The following SCAMP4 variants were observed in gnomAD, a reference collection of about 807,000 sequenced individuals.
SCAMP4 encodes the protein secretory carrier-associated membrane protein 4.
In SCAMP4, 19 loss-of-function variants were observed where a neutral mutation model predicts 32.1. The ratio of observed to expected loss-of-function variants is 0.59; its 90% CI spans 0.41 to 0.87. SCAMP4 has a LOEUF of 0.87. Among genes scored for constraint, SCAMP4 ranks in the 40% least tolerant of loss-of-function variants. SCAMP4 has a pLI of 0.00. For missense variants in SCAMP4, 302 were observed against 309.0 expected, an observed-to-expected ratio of 0.98 and a Z score of 0.17; for synonymous variants, 152 against 132.7, an observed-to-expected ratio of 1.15 and a Z score of -1.00.
intron 3 of SCAMP4, 83 bp downstream of exon 3, chr19:1,917,905 C>A (rs149039111): frequency 2.6e-6 from 4 of 1,559,078 alleles, no homozygotes; most frequent in Middle Eastern, 2.2e-4. Flanking sequence ...AGGGGCAGCC[C>A]GTCGGGGGCC....
At chr19:1,913,139 C>G (rs1490889549) in intron 1 of SCAMP4, 2 of 1,560,274 alleles carry the variant, frequency 1.3e-6, no homozygotes, top group South Asian at 1.2e-5. Context: ...GCTGGCTGGA[C>G]CCCGACACGT....
intron 5 of SCAMP4, chr19:1,921,091 C>T (rs2013905303): frequency 2.0e-6 from 2 of 985,238 alleles, no homozygotes; most frequent in African/African-American, 3.5e-5. Flanking sequence ...AACCACAGCG[C>T]ACAGCGACTT....
Position 1,918,925 on chromosome 19 carries a change from C to T in SCAMP4, c.330C>T (p.Phe110=). The T allele has an allele frequency of 1.2e-6, 2 of 1,612,198 alleles. No homozygotes were observed. The highest frequency in any genetic ancestry group is 1.7e-6 in the Non-Finnish European group (2 of 1,179,190). Residue 110 remains phenylalanine (F), a synonymous_variant, in exon 5 of 7, where the codon TTC becomes TTT. Transcript: ENST00000316097. The part of the protein sequence containing the change: ...DSSFNFMAFF[F]IFGAQFVLTV... ...CCTTTAATTTCATGGCGTTTTTCTTCATCTTCGGAGCCCAGTTTGTCCTGA... is the reference window on the plus strand; with the variant it reads ...CCTTTAATTTCATGGCGTTTTTCTTTATCTTCGGAGCCCAGTTTGTCCTGA...
chr19:1,920,184 C>G, intron 5 of SCAMP4: 4 of 985,358 alleles, frequency 4.1e-6, no homozygotes, highest in Non-Finnish European at 2.4e-6. Flanking sequence ...AGTGACTGTT[C>G]TCGCCCACGT....
intron 3 of SCAMP4, 52 bp downstream of exon 3, chr19:1,917,874 G>A: frequency 6.2e-7 from 1 of 1,606,826 alleles, no homozygotes; most frequent in Non-Finnish European, 8.5e-7. Context: ...GGCTCCCCGA[G>A]GGAGGGAGTG....
intron 6 of SCAMP4, 99 bp downstream of exon 6, chr19:1,923,286 C>T (rs1404267414): frequency 2.9e-6 from 3 of 1,035,376 alleles, no homozygotes; most frequent in East Asian, 2.8e-5. Flanking sequence ...GCCGGGCCCT[C>T]TCCCCACGGT....
intron 2 of SCAMP4, chr19:1,915,490 C>T (rs1739365806): frequency 4.9e-6 from 1 of 202,844 alleles, no homozygotes; most frequent in African/African-American, 2.3e-5. Context: ...GGGGGGCTCC[C>T]AGTGCCACGC....
intron 1 of SCAMP4, chr19:1,912,045 C>G: frequency 7.1e-7 from 1 of 1,416,840 alleles, no homozygotes; most frequent in Non-Finnish European, 9.2e-7. Context: ...CCGCAGCCGC[C>G]GGATGATCCT....
chr19:1,924,290 G>A lies in SCAMP4; in HGVS notation c.*6G>A, dbSNP rs375942866. 9.0e-5 allele frequency: 143 copies of A among 1,581,772 alleles called. No homozygotes were observed. The African/African-American group carries it at 1.2e-3, about 14-fold the overall frequency. On this transcript the variant is annotated 3_prime_UTR_variant, in exon 7 of 7. Transcript: ENST00000316097. ...GCAGTGGCCAGTGGCCTTAGAGGGA[G>A]CCTGCCCTGCCCCCACCGCCCACCA...
intron 3 of SCAMP4, 151 bp from the exon 4 acceptor site, chr19:1,917,976 A>G: frequency 1.5e-6 from 2 of 1,336,448 alleles, no homozygotes; most frequent in Non-Finnish European, 2.1e-6. Context: ...GCTGGTGTCC[A>G]GGCCCCAGTG....
chr19:1,921,671 G>A lies in SCAMP4; in HGVS notation c.396-1399G>A, dbSNP rs553532094. ...AATCTAAAATTACATCCAAACAGAG[G>A]TTTACTTTTTTAAAAAATAAAAGAG... On this transcript the variant is annotated intron_variant, in intron 5 of 6. Transcript: ENST00000316097. 7.1e-6 allele frequency: 7 copies of A among 985,346 alleles called. No individual in the cohort carries two copies. The South Asian group carries it at 2.8e-4, about 40-fold the overall frequency. 61.0% of individuals were successfully genotyped at this position (985,346 alleles called of 1,614,324 possible).
intron 5 of SCAMP4, among the ~76,000 whole-genome samples, chr19:1,919,830 G>A (rs1159720260): frequency 6.8e-6 from 1 of 147,030 alleles, no homozygotes; most frequent in African/African-American, 2.5e-5. Flanking sequence ...TTTTTTTTGA[G>A]ATGGAGTCGC....
At chr19:1,917,527 T>C (rs1599250595) in intron 2 of SCAMP4, among the ~76,000 whole-genome samples, 167 bp from the exon 3 acceptor site, 1 of 152,128 alleles carries the variant, frequency 6.6e-6, no homozygotes, top group Non-Finnish European at 1.5e-5. Flanking sequence ...TCTCCTCTCG[T>C]GAGGCTGCCA....
rs763472911 is a variant in SCAMP4, at chr19:1,918,256, G to C, written c.266G>C (p.Trp89Ser). The C allele has an allele frequency of 3.7e-6, 6 of 1,607,272 alleles. No homozygotes were observed. Among genetic ancestry groups the C allele is most frequent in the African/African-American group, 1.3e-5 (1 of 74,934 alleles). The change falls in exon 4 of 7, where the codon TGG becomes TCG. Residue 89 changes from tryptophan (W) to serine (S), a missense_variant. Coordinates refer to ENST00000316097, the MANE Select transcript of SCAMP4 (RefSeq NM_079834.4). Reference sequence around the variant, plus strand: ...TTCACGCCTTGCGGCTACGTGTGCTGGTTCCGGCCTGTCTACAAGGCCTTC... The same window carrying C: ...TTCACGCCTTGCGGCTACGTGTGCTCGTTCCGGCCTGTCTACAAGGCCTTC... ...LLFTPCGYVC[W>S]FRPVYKAFRA...
chr19:1,922,575 A>T (rs1347845310), intron 5 of SCAMP4: 28 of 985,254 alleles, frequency 2.8e-5, no homozygotes, highest in Non-Finnish European at 3.4e-5. Flanking sequence ...CCACCGGGTG[A>T]TGGTGGCAGA....
chr19:1,915,187 C>G (rs1281198907), intron 2 of SCAMP4, among the ~76,000 whole-genome samples, 161 bp downstream of exon 2: 1 of 152,214 alleles, frequency 6.6e-6, no homozygotes, highest in Middle Eastern at 3.2e-3. Context: ...GCTGGAGTCA[C>G]GCCTCTGCTG....
chr19:1,917,808 AC>A lies in SCAMP4; in HGVS notation c.124del (p.Arg42GlyfsTer77). On this transcript the variant is annotated frameshift_variant, in exon 3 of 7. Coordinates refer to ENST00000316097, the MANE Select transcript of SCAMP4 (RefSeq NM_079834.4). LOFTEE classifies it high-confidence loss of function. ...VEHQVLVKRIYRLWMFYCATL... is the reference protein window; with the variant it reads ...VEHQVLVKRIXRLWMFYCATL... Reference sequence around the variant, plus strand: ...CACCAGGTCCTGGTGAAGAGGATCTACCGGCTGTGGATGTGTGAGTGCGCCT... The same window carrying A: ...CACCAGGTCCTGGTGAAGAGGATCTACGGCTGTGGATGTGTGAGTGCGCCT... The A allele has an allele frequency of 3.7e-6, 6 of 1,613,986 alleles. No homozygotes were observed. The highest frequency in any genetic ancestry group is 1.1e-5 in the South Asian group (1 of 91,082).
At position 1,923,190 on chromosome 19, in the gene SCAMP4, G is replaced by A; in HGVS notation, c.513+3G>A. On this transcript the variant is annotated splice_donor_region_variant and intron_variant, in intron 6 of 6. Transcript: ENST00000316097. ...TGATGGCCATCGCGATCATGAAGGT[G>A]AGTCCTCGGCTTTGTGACGTCCAGC... 1.3e-6 allele frequency: 2 copies of A among 1,547,916 alleles called. No homozygotes were observed. Among genetic ancestry groups the A allele is most frequent in the Non-Finnish European group, 1.7e-6 (2 of 1,144,696 alleles).
chr19:1,911,971 AGCAC>A, intron 1 of SCAMP4: 3 of 1,405,718 alleles, frequency 2.1e-6, no homozygotes, highest in Non-Finnish European at 2.8e-6. Flanking sequence ...CTTTGGTGGC[AGCAC>A]GCCCTGCCTT....
Sources: allele counts gnomAD v4.1 joint callset (sites outside exome capture counted in the v4.1 genomes callset), GRCh38; gene constraint gnomAD v4.1.1; transcripts MANE v1.5; gene names NCBI Gene and HGNC (gene_info 2026-07-23, HGNC 2026-07-21).